Variants in DST observed in about 807,000 individuals in gnomAD.
DST encodes the protein bullous pemphigoid antigen.
Under a neutral mutation model 875.2 loss-of-function variants are expected in DST, and 253 were observed. The observed-to-expected ratio is 0.29, with a 90% CI of 0.26 to 0.32. DST has a LOEUF of 0.32. Ranked by LOEUF, DST falls within the 10% of genes least tolerant of loss-of-function variation. DST has a pLI of 1.00. For missense variants in DST, 8,287 were observed against 9,111.6 expected, an observed-to-expected ratio of 0.91 and a Z score of 3.68; for synonymous variants, 3,124 against 3,197.1, an observed-to-expected ratio of 0.98 and a Z score of 0.77.
At chr6:56,481,840 T>C (rs2095411507) in intron 90 of DST, among the ~76,000 whole-genome samples, 1 of 152,054 alleles carries the variant, frequency 6.6e-6, no homozygotes, top group South Asian at 2.1e-4. Flanking sequence ...AAAGGAAACA[T>C]CAAAAGACAG....
Position 56,608,989 on chromosome 6 carries a change from C to T in DST, c.5639G>A (p.Gly1880Asp). Reference sequence around the variant, plus strand: ...TCCTGTGGCTGGAATAACCAGAGAGCCTGTAGAAAGCAGTATCTCAAGAAC... The same window carrying T: ...TCCTGTGGCTGGAATAACCAGAGAGTCTGTAGAAAGCAGTATCTCAAGAAC... Reference protein sequence around the residue: ...IKVLEILLSTGSLVIPATGEQ... With the variant: ...IKVLEILLSTDSLVIPATGEQ... Residue 1880 changes from glycine to aspartate, a missense_variant, in exon 40 of 104, where the codon GGC becomes GAC. Physicochemically the swap from Gly to Asp is moderately conservative, Grantham distance 94 (BLOSUM62 -1). Around this residue, in one of 10 missense-constraint regions of DST, gnomAD observed 3,138 missense variants for 3,116.6 expected, o/e 1.01. Transcript: ENST00000680361. The T allele has an allele frequency of 6.2e-7, 1 of 1,613,804 alleles. No homozygotes were observed. Among genetic ancestry groups the T allele is most frequent in the Non-Finnish European group, 8.5e-7 (1 of 1,179,760 alleles).
chr6:56,473,773 T>C (rs557021489), intron 93 of DST, 100 bp downstream of exon 93: 10 of 1,156,974 alleles, frequency 8.6e-6, no homozygotes, highest in Non-Finnish European at 1.2e-5. Context: ...CAAGTGCTCA[T>C]GTAAAATCAC....
intron 50 of DST, 111 bp downstream of exon 50, chr6:56,578,703 G>C (rs2097913248): frequency 2.7e-6 from 3 of 1,096,404 alleles, no homozygotes; most frequent in Non-Finnish European, 2.6e-6. Context: ...CACAGAGAAA[G>C]AGCACATAGA....
rs766811894 is a variant in DST, at chr6:56,607,279, C to T, written c.7349G>A (p.Ser2450Asn). 3.1e-6 allele frequency: 5 copies of T among 1,613,514 alleles called. No individual in the cohort carries two copies. Among genetic ancestry groups the T allele is most frequent in the Non-Finnish European group, 4.2e-6 (5 of 1,179,634 alleles). The change falls in exon 40 of 104, where the codon AGT becomes AAT. Residue 2450 changes from serine (S) to asparagine (N), a missense_variant. Coordinates refer to ENST00000680361, the MANE Select transcript of DST (RefSeq NM_001374736.1). Reference protein sequence around the residue: ...SHDKLMHSQGSFNDTHTPESN... With the variant: ...SHDKLMHSQGNFNDTHTPESN... Reference sequence around the variant, plus strand: ...CTCTGGGGTGTGTGTATCATTAAAACTTCCCTGACTGTGCATCAATTTATC... The same window carrying T: ...CTCTGGGGTGTGTGTATCATTAAAATTTCCCTGACTGTGCATCAATTTATC...
intron 72 of DST, among the ~76,000 whole-genome samples, chr6:56,511,969 C>G (rs866144691): frequency 6.6e-6 from 1 of 151,788 alleles, no homozygotes; most frequent in East Asian, 1.9e-4. Context: ...TGATGTAAGC[C>G]CACAAGGCAT....
chr6:56,605,402 A>C lies in DST; in HGVS notation c.9226T>G (p.Leu3076Val). Residue 3076 changes from leucine (L) to valine (V), a missense_variant, in exon 40 of 104, where the codon TTG (leucine) becomes GTG (valine). By Grantham distance (32) the Leu-to-Val change is conservative. Around this residue, in one of 10 missense-constraint regions of DST, gnomAD observed 3,138 missense variants for 3,116.6 expected, o/e 1.01. Coordinates refer to ENST00000680361, the MANE Select transcript of DST (RefSeq NM_001374736.1). ...CTATCCCTTGTATTTTTACCAGGCA[A>C]AAGTTTGAGATGCCTATTTTCTTCT... is the stretch of plus-strand genomic sequence containing the variant. ...VEEENRHLKLLPGKNTRDSFK... is the reference protein window; with the variant it reads ...VEEENRHLKLVPGKNTRDSFK... 1 of 1,612,870 alleles carries C rather than the reference A, an allele frequency of 6.2e-7. No individual in the cohort carries two copies. Among genetic ancestry groups the C allele is most frequent in the Non-Finnish European group, 8.5e-7 (1 of 1,179,298 alleles).
intron 50 of DST, 46 bp from the exon 51 acceptor site, chr6:56,573,933 C>T (rs1212953028): frequency 7.1e-7 from 1 of 1,406,860 alleles, no homozygotes; most frequent in Admixed American, 2.1e-5. Context: ...TTCTCTTTGC[C>T]CTATCCCTTT....
rs2098878227 is a variant in DST, at chr6:56,640,173, C to T, written c.2460G>A (p.Gln820=). 6.2e-7 allele frequency: 1 copy of T among 1,614,088 alleles called. No individual in the cohort carries two copies. The highest frequency in any genetic ancestry group is 1.7e-5 in the Admixed American group (1 of 60,002). Reference sequence around the variant, plus strand: ...TCTCATCAACCCAATTCAAAAGATCCTGAACAAATTTCATATTGATTTCTT... The same window carrying T: ...TCTCATCAACCCAATTCAAAAGATCTTGAACAAATTTCATATTGATTTCTT... ...TEEEINMKFV[Q]DLLNWVDEMQ... is the part of the protein sequence containing the mutation. Residue 820 remains glutamine (Q), a synonymous_variant, in exon 18 of 104, where the codon CAG becomes CAA. Transcript: ENST00000680361.
At chr6:56,824,818 C>T (rs1442026426) in intron 4 of DST, among the ~76,000 whole-genome samples, 3 of 152,078 alleles carry the variant, frequency 2.0e-5, no homozygotes, top group Non-Finnish European at 2.9e-5. Context: ...GGCAGCCGCC[C>T]CGTCTGAGAA....
At chr6:56,493,126 G>A (rs1218147524) in intron 83 of DST, 37 bp from the exon 84 acceptor site, 10 of 1,566,326 alleles carry the variant, frequency 6.4e-6, no homozygotes, top group Non-Finnish European at 7.8e-6. Context: ...GATGTTTAAG[G>A]GCCTTGGTTA....
intron 5 of DST, among the ~76,000 whole-genome samples, chr6:56,721,484 T>C (rs372834578): frequency 7.9e-5 from 12 of 152,224 alleles, no homozygotes; most frequent in Admixed American, 3.3e-4. Context: ...CATAGGAAAT[T>C]ATAAAAGTAT....
At chr6:56,817,384 C>G (rs2153043104) in intron 4 of DST, among the ~76,000 whole-genome samples, 1 of 152,216 alleles carries the variant, frequency 6.6e-6, no homozygotes, top group South Asian at 2.1e-4. Flanking sequence ...TCTTACTTTT[C>G]AGATGAAGAA....
At chr6:56,614,145 C>T (rs559148516) in intron 37 of DST, among the ~76,000 whole-genome samples, 12 of 152,216 alleles carry the variant, frequency 7.9e-5, no homozygotes, top group African/African-American at 2.2e-4. Context: ...CAATATATAA[C>T]GTTCAGGCTT....
intron 81 of DST, 54 bp downstream of exon 81, chr6:56,497,802 G>T: frequency 7.0e-7 from 1 of 1,425,830 alleles, no homozygotes; most frequent in Non-Finnish European, 9.4e-7. Context: ...AGAATTCCAT[G>T]CTATTTTGGT....
chr6:56,647,134 C>A (rs1304537135), intron 13 of DST, among the ~76,000 whole-genome samples: 1 of 152,274 alleles, frequency 6.6e-6, no homozygotes, highest in East Asian at 1.9e-4. Context: ...AATGGAAATC[C>A]ATTTGGAAAT....
At chr6:56,651,908 T>C (rs557564091) in intron 10 of DST, among the ~76,000 whole-genome samples, 4 of 152,230 alleles carry the variant, frequency 2.6e-5, no homozygotes, top group African/African-American at 7.2e-5. Flanking sequence ...AACTCCAAGA[T>C]AGCAAGTACT....
intron 34 of DST, among the ~76,000 whole-genome samples, chr6:56,625,620 T>A (rs1356995471): frequency 6.6e-6 from 1 of 152,004 alleles, no homozygotes; most frequent in African/African-American, 2.4e-5. Context: ...CACAAAAGTA[T>A]AGCACACACA....
In DST at chr6:56,844,602, C is replaced by T. The variant is rs531392507; in HGVS notation, c.625+6795G>A. 2.3e-3 allele frequency among the ~76,000 whole-genome samples: 344 copies of T among 152,220 alleles called. 1 individual carries two copies. Among genetic ancestry groups the T allele is most frequent in the South Asian group, 0.011 (54 of 4,820 alleles). On this transcript the variant is annotated intron_variant, in intron 4 of 103. Transcript: ENST00000680361. ...TTTAAGAGTAATGACTGGCCGGGCG[C>T]GGTGTCTCACGCCTGTAATCCCAGC...
At chr6:56,901,513 T>G (rs1794079321) in intron 2 of DST, among the ~76,000 whole-genome samples, 1 of 152,172 alleles carries the variant, frequency 6.6e-6, no homozygotes, top group African/African-American at 2.4e-5. Flanking sequence ...GAGAACTGCT[T>G]GAACCTGGGA....
Sources: allele counts gnomAD v4.1 joint callset (sites outside exome capture counted in the v4.1 genomes callset), GRCh38; gene constraint gnomAD v4.1.1; regional missense constraint gnomAD v4.1.1; transcripts MANE v1.5; gene names NCBI Gene and HGNC (gene_info 2026-07-23, HGNC 2026-07-21).